NEK1: variants seen among roughly 807,000 people sequenced by gnomAD.
NEK1 encodes serine/threonine-protein kinase Nek1.
A neutral mutation model predicts 182.1 loss-of-function variants in NEK1; 137 were observed. The ratio of observed to expected loss-of-function variants is 0.75; its 90% CI spans 0.65 to 0.87. NEK1 has a LOEUF of 0.87. NEK1 is among the 40% of genes least tolerant of loss of function. The pLI is 0.00. For missense variants in NEK1, 1,391 were observed against 1,494.4 expected, an observed-to-expected ratio of 0.93 and a Z score of 1.14; for synonymous variants, 513 against 492.2, an observed-to-expected ratio of 1.04 and a Z score of -0.56.
At chr4:169,495,566 A>G (rs1226420747) in intron 23 of NEK1, among the ~76,000 whole-genome samples, 2 of 152,084 alleles carry the variant, frequency 1.3e-5, no homozygotes, top group African/African-American at 2.4e-5. Flanking sequence ...ATCCATCTTG[A>G]ATTAATTTTT....
intron 11 of NEK1, among the ~76,000 whole-genome samples, chr4:169,580,467 A>C (rs1766436894): frequency 7.1e-6 from 1 of 140,506 alleles, no homozygotes; most frequent in Non-Finnish European, 1.5e-5. Context: ...ACTGCGCTCC[A>C]GCCTGGGCAA....
chr4:169,584,332 C>T (rs567443369), intron 10 of NEK1, among the ~76,000 whole-genome samples: 1 of 152,168 alleles, frequency 6.6e-6, no homozygotes, highest in South Asian at 2.1e-4. Context: ...CATTTATAGG[C>T]CAGGCGTGGT....
At chr4:169,542,507 G>T (rs1759628632) in intron 18 of NEK1, among the ~76,000 whole-genome samples, 1 of 152,094 alleles carries the variant, frequency 6.6e-6, no homozygotes, top group African/African-American at 2.4e-5. Flanking sequence ...AATCCTTTGG[G>T]TATATACCCA....
chr4:169,574,367 G>A (rs1429508564), intron 12 of NEK1, among the ~76,000 whole-genome samples: 1 of 152,104 alleles, frequency 6.6e-6, no homozygotes, highest in African/African-American at 2.4e-5. Context: ...AGGCCAAGGC[G>A]GGCGGATCAT....
At chr4:169,543,647 C>T (rs141342246) in intron 18 of NEK1, among the ~76,000 whole-genome samples, 1,836 of 152,252 alleles carry the variant, frequency 0.012, 32 homozygotes, top group African/African-American at 0.041. Flanking sequence ...TTGTTTCTGT[C>T]CTCTCTTATT....
intron 27 of NEK1, 88 bp from the exon 28 acceptor site, chr4:169,438,347 T>G: frequency 2.1e-6 from 2 of 943,304 alleles, no homozygotes; most frequent in Non-Finnish European, 1.5e-6. Context: ...TTCAAAAAGC[T>G]GCATTACTGC....
chr4:169,424,503 A>G lies in NEK1; in HGVS notation c.3222+50T>C, dbSNP rs376232164. 1,362 of 1,507,642 alleles carry G rather than the reference A, an allele frequency of 9.0e-4. 2 individuals are homozygous for G. The highest frequency in any genetic ancestry group is 1.1e-3 in the Non-Finnish European group (1,286 of 1,126,742). 93.4% of individuals were successfully genotyped at this position (1,507,642 alleles called of 1,614,324 possible). A position where few individuals can be genotyped will look rare whatever the true frequency, so the allele number is the denominator to read the frequency against. On this transcript the variant is annotated intron_variant, in intron 31 of 35. Coordinates refer to ENST00000507142, the MANE Select transcript of NEK1 (RefSeq NM_001199397.3). ...TTATGGTTTATAAAAGAAAAACAATAATACATGTTATCGAATGGATAATAT... is the reference window on the plus strand; with the variant it reads ...TTATGGTTTATAAAAGAAAAACAATGATACATGTTATCGAATGGATAATAT...
intron 26 of NEK1, among the ~76,000 whole-genome samples, chr4:169,463,821 T>G (rs756219889): frequency 2.0e-4 from 30 of 152,136 alleles, no homozygotes; most frequent in Non-Finnish European, 2.8e-4. Flanking sequence ...TTTTAAGAGA[T>G]AGAGTCTCAC....
chr4:169,461,827 C>G (rs1744017924), intron 27 of NEK1, among the ~76,000 whole-genome samples: 1 of 151,954 alleles, frequency 6.6e-6, no homozygotes, highest in Non-Finnish European at 1.5e-5. Context: ...TTTGTCTGTC[C>G]TCTGAGAGCA....
chr4:169,515,658 C>T lies in NEK1; in HGVS notation c.1666-6806G>A, dbSNP rs1456204196. ...CCAATGCTATCCCTCCCCCCTCCCCCGACCCCACCACAGTCCCCAGAGTGT... is the reference window on the plus strand; with the variant it reads ...CCAATGCTATCCCTCCCCCCTCCCCTGACCCCACCACAGTCCCCAGAGTGT... On this transcript the variant is annotated intron_variant, in intron 19 of 35. Coordinates refer to ENST00000507142, the MANE Select transcript of NEK1 (RefSeq NM_001199397.3). 6.8e-5 allele frequency among the ~76,000 whole-genome samples: 7 copies of T among 103,092 alleles called. No individual in the cohort carries two copies. The East Asian group carries it at 1.2e-3, about 18-fold the overall frequency. 67.6% of individuals were successfully genotyped at this position (103,092 alleles called of 152,430 possible). A position where few individuals can be genotyped will look rare whatever the true frequency, so the allele number is the denominator to read the frequency against.
At chr4:169,434,084 A>G (rs1220867492) in intron 28 of NEK1, among the ~76,000 whole-genome samples, 4 of 152,074 alleles carry the variant, frequency 2.6e-5, no homozygotes, top group Non-Finnish European at 4.4e-5. Context: ...TAAAATTTCA[A>G]TCTTCAAAAT....
At chr4:169,569,540 G>A (rs527529190) in intron 12 of NEK1, among the ~76,000 whole-genome samples, 3 of 143,336 alleles carry the variant, frequency 2.1e-5, no homozygotes, top group Admixed American at 1.4e-4. Context: ...CTCTGATGCC[G>A]AGCCGAAGCT....
chr4:169,403,344 G>A (rs1454732058), intron 32 of NEK1, among the ~76,000 whole-genome samples: 2 of 152,100 alleles, frequency 1.3e-5, no homozygotes, highest in Non-Finnish European at 2.9e-5. Context: ...GAGACAAGAG[G>A]ATTGCTTGAG....
chr4:169,601,926 T>C, intron 4 of NEK1, 82 bp downstream of exon 4: 1 of 953,586 alleles, frequency 1.0e-6, no homozygotes, highest in Non-Finnish European at 1.7e-6. Context: ...GCAAAAATGG[T>C]ATCTTTTTCC....
At chr4:169,532,871 G>A (rs530871835) in intron 19 of NEK1, among the ~76,000 whole-genome samples, 16 of 151,898 alleles carry the variant, frequency 1.1e-4, no homozygotes, top group Non-Finnish European at 1.9e-4. Flanking sequence ...AGAATCAACC[G>A]AGATTGTGCC....
chr4:169,404,156 T>G (rs946204456), intron 32 of NEK1, among the ~76,000 whole-genome samples: 4 of 152,132 alleles, frequency 2.6e-5, no homozygotes, highest in African/African-American at 9.7e-5. Flanking sequence ...ATAAAATTTT[T>G]GGGAAAAAAA....
chr4:169,467,253 T>G (rs1163603247), intron 26 of NEK1, among the ~76,000 whole-genome samples: 4 of 152,132 alleles, frequency 2.6e-5, no homozygotes, highest in Non-Finnish European at 5.9e-5. Context: ...AGTTAAATTT[T>G]GGGGGAGTTA....
chr4:169,531,960 C>A (rs1010451546), intron 19 of NEK1, among the ~76,000 whole-genome samples: 1 of 152,110 alleles, frequency 6.6e-6, no homozygotes, highest in Non-Finnish European at 1.5e-5. Context: ...GAATAAAAAA[C>A]AACTAACTAG....
At chr4:169,562,244 T>A in intron 12 of NEK1, 48 bp from the exon 13 acceptor site, 1 of 1,319,028 alleles carries the variant, frequency 7.6e-7, no homozygotes, top group Non-Finnish European at 1.0e-6. Flanking sequence ...TTGAGGCACT[T>A]ATTTGAAAAT....
Sources: allele counts gnomAD v4.1 joint callset (sites outside exome capture counted in the v4.1 genomes callset), GRCh38; gene constraint gnomAD v4.1.1; transcripts MANE v1.5; gene names NCBI Gene and HGNC (gene_info 2026-07-23, HGNC 2026-07-21).